The following LRP1B variants were observed in gnomAD, a reference collection of about 807,000 sequenced individuals.
LRP1B encodes LDL receptor related protein 1B.
A neutral mutation model predicts 556.6 loss-of-function variants in LRP1B; 217 were observed. The ratio of observed to expected loss-of-function variants is 0.39; its 90% CI spans 0.35 to 0.44. The LOEUF (loss-of-function observed/expected upper bound fraction) is 0.44. LRP1B is among the 20% of genes least tolerant of loss of function. The probability of loss-of-function intolerance (pLI) is 1.00; values close to 1 mark genes in which losing one functional copy is unlikely to be tolerated. For synonymous variants in LRP1B, 2,047 were observed against 1,865.8 expected (o/e 1.10, Z -2.50); for missense variants, 5,053 against 5,620.8 (o/e 0.90, Z 3.23).
chr2:141,595,092 T>C (rs913313216), intron 2 of LRP1B, among the ~76,000 whole-genome samples: 1 of 152,118 alleles, frequency 6.6e-6, no homozygotes, highest in African/African-American at 2.4e-5. Context: ...TATGGAAAAC[T>C]GACAAAGGAA....
rs541731933 is a variant in LRP1B, at chr2:141,221,434, C to A, written c.850+7749G>T. On this transcript the variant is annotated intron_variant, in intron 6 of 90. Transcript: ENST00000389484. ...ACAAGTTCTTAGAGACGTACATAGT[C>A]TTTTACTCCCACACAATGATAGTGG... Among the ~76,000 whole-genome samples the A allele has an allele frequency of 3.3e-5, 5 of 152,198 alleles. No homozygotes were observed. In the East Asian group the frequency reaches 9.7e-4, roughly 29 times the overall value.
In LRP1B at chr2:141,020,114, G is replaced by A. The variant is rs1260469834; in HGVS notation, c.1790-12C>T. 3.4e-6 allele frequency: 5 copies of A among 1,460,454 alleles called. No individual in the cohort carries two copies. The highest frequency in any genetic ancestry group is 1.4e-5 in the African/African-American group (1 of 69,738). The allele number at this position is 1,460,454 out of a possible 1,614,324, so 90.5% of individuals were successfully genotyped here. A position where few individuals can be genotyped will look rare whatever the true frequency, so the allele number is the denominator to read the frequency against. On this transcript the variant is annotated splice_polypyrimidine_tract_variant and intron_variant, in intron 11 of 90. Transcript: ENST00000389484. ...TACATTATCCAGATCTATAAAAAAAGCAAAAACAAGAAAGAAATTGCTTTT... is the reference window on the plus strand; with the variant it reads ...TACATTATCCAGATCTATAAAAAAAACAAAAACAAGAAAGAAATTGCTTTT...
In LRP1B at chr2:141,614,080, C is replaced by CAGAAAAAAAAAAAAAAAA. The variant is rs1553543025; in HGVS notation, c.206-133548_206-133547insTTTTTTTTTTTTTTTTCT. On this transcript the variant is annotated intron_variant, in intron 2 of 90. Transcript: ENST00000389484. Reference sequence around the variant, plus strand: ...GGGCGATAAGAGCAAAACTCAGCCTCAAAAAAAAAAAAAAAAAAAAAGAAA... The same window carrying CAGAAAAAAAAAAAAAAAA: ...GGGCGATAAGAGCAAAACTCAGCCTCAGAAAAAAAAAAAAAAAAAAAAAAAAAAAAAAAAAAAAAGAAA... Among the ~76,000 whole-genome samples the CAGAAAAAAAAAAAAAAAA allele has an allele frequency of 3.0e-4, 14 of 47,354 alleles. 2 individuals are homozygous for CAGAAAAAAAAAAAAAAAA. In the South Asian group the frequency reaches 4.6e-3, roughly 16 times the overall value. 31.1% of individuals were successfully genotyped at this position (47,354 alleles called of 152,430 possible). A position where few individuals can be genotyped will look rare whatever the true frequency, so the allele number is the denominator to read the frequency against.
Position 140,755,667 on chromosome 2 carries a change from C to G in LRP1B, c.5758+13546G>C, listed in dbSNP as rs186231419. 1.5e-3 allele frequency among the ~76,000 whole-genome samples: 234 copies of G among 152,020 alleles called. 2 individuals carry two copies. The highest frequency in any genetic ancestry group is 5.3e-3 in the African/African-American group (222 of 41,522). On this transcript the variant is annotated intron_variant, in intron 35 of 90. Coordinates refer to ENST00000389484, the MANE Select transcript of LRP1B (RefSeq NM_018557.3). ...CTATACAAATTAGGAATAGAGGGAT[C>G]TTTCTTAACCTGATAAATGATATCC...
chr2:140,460,931 C>T (rs1158102347), intron 60 of LRP1B, among the ~76,000 whole-genome samples: 1 of 151,850 alleles, frequency 6.6e-6, no homozygotes, highest in Non-Finnish European at 1.5e-5. Context: ...TTGATGCTAT[C>T]CTGCTAAAGC....
intron 7 of LRP1B, among the ~76,000 whole-genome samples, chr2:141,176,751 C>T (rs1680755915): frequency 1.3e-5 from 2 of 151,938 alleles, no homozygotes; most frequent in Non-Finnish European, 2.9e-5. Flanking sequence ...AAAAATGACT[C>T]ACTCTAAGTA....
chr2:140,758,792 TA>T (rs1688823839), intron 35 of LRP1B, among the ~76,000 whole-genome samples: 1 of 152,084 alleles, frequency 6.6e-6, no homozygotes, highest in East Asian at 1.9e-4. Context: ...AAAAAAATTA[TA>T]AGGCTATGGT....
chr2:141,019,180 C>A (rs1347805446), intron 12 of LRP1B, among the ~76,000 whole-genome samples: 1 of 151,938 alleles, frequency 6.6e-6, no homozygotes, highest in Non-Finnish European at 1.5e-5. Flanking sequence ...GATTAAAAAT[C>A]AAAAGAAAAC....
chr2:141,650,743 A>C (rs1313978922), intron 2 of LRP1B, among the ~76,000 whole-genome samples: 2 of 152,202 alleles, frequency 1.3e-5, no homozygotes, highest in African/African-American at 4.8e-5. Context: ...CATCTAGTGA[A>C]TCAGTTTGAA....
chr2:140,471,911 C>T (rs1466290978), intron 60 of LRP1B, among the ~76,000 whole-genome samples: 1 of 152,202 alleles, frequency 6.6e-6, no homozygotes, highest in Non-Finnish European at 1.5e-5. Context: ...TTTCAAGACT[C>T]TATTACATCT....
chr2:141,332,653 A>C (rs970387899), intron 3 of LRP1B, among the ~76,000 whole-genome samples: 4 of 150,464 alleles, frequency 2.7e-5, no homozygotes, highest in Non-Finnish European at 5.9e-5. Context: ...GGTCAAAGTC[A>C]TTGCTACTTC....
At chr2:141,595,405 G>A (rs1687480621) in intron 2 of LRP1B, among the ~76,000 whole-genome samples, 1 of 152,034 alleles carries the variant, frequency 6.6e-6, no homozygotes, top group African/African-American at 2.4e-5. Flanking sequence ...ATTCTATAAT[G>A]AGATGGGAAA....
At chr2:140,452,919 A>C (rs1306903753) in intron 62 of LRP1B, among the ~76,000 whole-genome samples, 1 of 148,038 alleles carries the variant, frequency 6.8e-6, no homozygotes, top group Non-Finnish European at 1.5e-5. Flanking sequence ...TGATTTTTCC[A>C]TATTTGCTTA....
intron 1 of LRP1B, among the ~76,000 whole-genome samples, chr2:142,004,771 G>A (rs946502233): frequency 6.6e-6 from 1 of 151,668 alleles, no homozygotes; most frequent in South Asian, 2.1e-4. Flanking sequence ...ACTGGAACCC[G>A]GGAAGAGAAG....
At chr2:141,870,683 T>A (rs1377272899) in intron 1 of LRP1B, among the ~76,000 whole-genome samples, 1 of 151,850 alleles carries the variant, frequency 6.6e-6, no homozygotes, top group African/African-American at 2.4e-5. Flanking sequence ...TAAGCACAAA[T>A]CCAACTTTTC....
rs142818828 is a variant in LRP1B at position 140,558,313 on chromosome 2, T to C, written c.7195-16342A>G. Among the ~76,000 whole-genome samples the C allele has an allele frequency of 6.4e-3, 973 of 152,230 alleles. 5 individuals carry two copies. Among genetic ancestry groups the C allele is most frequent in the Admixed American group, 0.012 (177 of 15,288 alleles). On this transcript the variant is annotated intron_variant, in intron 43 of 90. Coordinates refer to ENST00000389484, the MANE Select transcript of LRP1B (RefSeq NM_018557.3). Reference sequence around the variant, plus strand: ...ACTAAAATTTGTACAGAAAGGATCATAGCAGCAATATTTATAGTAGTCAAA... The same window carrying C: ...ACTAAAATTTGTACAGAAAGGATCACAGCAGCAATATTTATAGTAGTCAAA...
At chr2:140,496,430 C>T (rs943618146) in intron 55 of LRP1B, among the ~76,000 whole-genome samples, 1 of 152,142 alleles carries the variant, frequency 6.6e-6, no homozygotes, top group Non-Finnish European at 1.5e-5. Flanking sequence ...TGATTCCATA[C>T]CTAGATATGT....
intron 2 of LRP1B, among the ~76,000 whole-genome samples, chr2:141,545,364 C>T (rs1229666469): frequency 2.0e-5 from 3 of 152,140 alleles, no homozygotes; most frequent in Non-Finnish European, 4.4e-5. Context: ...CACAGTTTGG[C>T]CCATGGTTTG....
intron 7 of LRP1B, among the ~76,000 whole-genome samples, chr2:141,103,914 T>G (rs574290870): frequency 6.6e-6 from 1 of 152,106 alleles, no homozygotes; most frequent in East Asian, 1.9e-4. Context: ...CCAACCACAT[T>G]TGGCATTGAC....
Sources: gnomAD v4.1 joint callset for allele counts (sites outside exome capture counted in the v4.1 genomes callset) on GRCh38, gnomAD v4.1.1 for gene constraint, MANE v1.5 for transcripts, NCBI Gene and HGNC (gene_info 2026-07-23, HGNC 2026-07-21) for gene names.